The following GUCY1A1 variants were observed in gnomAD, a reference collection of about 807,000 sequenced individuals.
GUCY1A1 encodes guanylate cyclase 1 soluble subunit alpha 1, also known as guanylate cyclase soluble subunit alpha-1.
GUCY1A1 carries 48 observed loss-of-function variants against 64.5 expected under a neutral mutation model. The observed-to-expected ratio is 0.74, with a 90% CI of 0.59 to 0.95. The LOEUF is 0.95. GUCY1A1 is among the 40% of genes least tolerant of loss of function. The probability of loss-of-function intolerance (pLI) is 0.00; values close to 1 mark genes in which losing one functional copy is unlikely to be tolerated. For synonymous variants in GUCY1A1, 308 were observed against 303.4 expected, an observed-to-expected ratio of 1.02 and a Z score of -0.16; for missense variants, 804 against 825.3, an observed-to-expected ratio of 0.97 and a Z score of 0.32.
At chr4:155,698,960 T>G (rs1730753812) in intron 3 of GUCY1A1, among the ~76,000 whole-genome samples, 1 of 152,182 alleles carries the variant, frequency 6.6e-6, no homozygotes, top group Non-Finnish European at 1.5e-5. Context: ...TTTTCTTATT[T>G]TATTTAGTTG....
intron 2 of GUCY1A1, among the ~76,000 whole-genome samples, chr4:155,682,733 T>C (rs1365394801): frequency 6.6e-6 from 1 of 150,974 alleles, no homozygotes; most frequent in African/African-American, 2.4e-5. Context: ...TGTGTGTATA[T>C]ACCCCACTCA....
chr4:155,703,345 G>C (rs1349279056), intron 3 of GUCY1A1, among the ~76,000 whole-genome samples: 1 of 152,112 alleles, frequency 6.6e-6, no homozygotes, highest in African/African-American at 2.4e-5. Flanking sequence ...ACTAACTTTG[G>C]TGACAGATTA....
chr4:155,727,202 G>A (rs3796579), intron 9 of GUCY1A1, among the ~76,000 whole-genome samples: 69,389 of 151,754 alleles, frequency 0.46, 17,664 homozygotes, highest in African/African-American at 0.7. Flanking sequence ...GGCTGTTGCT[G>A]CCTTTTTTGG....
At position 155,722,190 on chromosome 4, in the gene GUCY1A1, C is replaced by T; in HGVS notation, c.1869C>T (p.Tyr623=). The T allele has an allele frequency of 6.2e-7, 1 of 1,611,708 alleles. No individual in the cohort carries two copies. Among genetic ancestry groups the T allele is most frequent in the Non-Finnish European group, 8.5e-7 (1 of 1,178,486 alleles). ...PRKINVSPTT[Y]RLLKDCPGFV... is the part of the protein sequence containing the mutation. ...AAATCAATGTCAGCCCAACAACTTA[C>T]AGGTAGTAATTATGTTAAACACCTA... Residue 623 remains tyrosine, a splice_region_variant and synonymous_variant, in exon 9 of 10, where the codon TAC becomes TAT. Coordinates refer to ENST00000506455, the MANE Select transcript of GUCY1A1 (RefSeq NM_001130682.3).
At position 155,710,969 on chromosome 4, in the gene GUCY1A1, C is replaced by T. The variant is rs1732493779; in HGVS notation, c.804C>T (p.Pro268=). 1 of 1,613,320 alleles carries T rather than the reference C, an allele frequency of 6.2e-7. No homozygotes were observed. Residue 268 remains proline (P), a synonymous_variant, in exon 6 of 10, where the codon CCC becomes CCT. Transcript: ENST00000506455. ...AAAGCACCAAGCCATCCCTGTCCCC[C>T]AGCAAACCCCAGTCCTCGCTGGTGA... is the stretch of plus-strand genomic sequence containing the variant. ...HMKSTKPSLS[P]SKPQSSLVIP... is the part of the protein sequence containing the mutation.
In GUCY1A1 at chr4:155,730,267, G is replaced by A; in HGVS notation, c.*36G>A. 7.3e-7 allele frequency: 1 copy of A among 1,371,210 alleles called. No homozygotes were observed. Among genetic ancestry groups the A allele is most frequent in the Non-Finnish European group, 1.0e-6 (1 of 961,766 alleles). The allele number at this position is 1,371,210 out of a possible 1,614,324, so 84.9% of individuals were successfully genotyped here. On this transcript the variant is annotated 3_prime_UTR_variant, in exon 10 of 10. Transcript: ENST00000506455. ...ACCTATTTATAAGTCTTTGGGGTTTGACTCATTGAAGATGTGTAGAGCCTC... is the reference window on the plus strand; with the variant it reads ...ACCTATTTATAAGTCTTTGGGGTTTAACTCATTGAAGATGTGTAGAGCCTC...
At chr4:155,682,655 G>A (rs1735954661) in intron 2 of GUCY1A1, among the ~76,000 whole-genome samples, 1 of 147,314 alleles carries the variant, frequency 6.8e-6, no homozygotes, top group Non-Finnish European at 1.5e-5. Flanking sequence ...CTGGGCAATA[G>A]AGTGAGACTC....
intron 2 of GUCY1A1, among the ~76,000 whole-genome samples, chr4:155,681,417 C>T (rs1235917476): frequency 2.6e-5 from 4 of 152,104 alleles, no homozygotes; most frequent in Non-Finnish European, 4.4e-5. Flanking sequence ...TTTCCCAATC[C>T]ACAGATCTTA....
Position 155,696,810 on chromosome 4 carries a change from A to C in GUCY1A1, c.-58A>C. On this transcript the variant is annotated 5_prime_UTR_variant, in exon 3 of 10. Coordinates refer to ENST00000506455, the MANE Select transcript of GUCY1A1 (RefSeq NM_001130682.3). ...ATAGTGGCTTCTGTTTGTCAGTCTC[A>C]TATAAGAACTACAGCTCATCAGGAG... is the stretch of plus-strand genomic sequence containing the variant. 1 of 1,536,190 alleles carries C rather than the reference A, an allele frequency of 6.5e-7. No individual in the cohort carries two copies. The highest frequency in any genetic ancestry group is 1.1e-5 in the South Asian group (1 of 87,152).
chr4:155,706,858 C>T (rs1049014163), intron 4 of GUCY1A1, among the ~76,000 whole-genome samples: 1 of 152,134 alleles, frequency 6.6e-6, no homozygotes, highest in Non-Finnish European at 1.5e-5. Flanking sequence ...TCATCACAAA[C>T]AATTAGGCAA....
At chr4:155,667,247 G>A (rs1733429551) in intron 1 of GUCY1A1, 99 bp from the exon 2 acceptor site, 1 of 152,240 alleles carries the variant, frequency 6.6e-6, no homozygotes, top group Non-Finnish European at 1.5e-5. Context: ...CGAGTGCCCA[G>A]GGTGCACTCG....
In GUCY1A1 at chr4:155,734,424, T is replaced by C. The variant is rs545613848; in HGVS notation, c.*4193T>C. On this transcript the variant is annotated 3_prime_UTR_variant, in exon 10 of 10. Coordinates refer to ENST00000506455, the MANE Select transcript of GUCY1A1 (RefSeq NM_001130682.3). Reference sequence around the variant, plus strand: ...GTTTTAGGTGCATGGGTTTGACCCATGTAAATCATTTTAATAAGTAAAATT... The same window carrying C: ...GTTTTAGGTGCATGGGTTTGACCCACGTAAATCATTTTAATAAGTAAAATT... 1 of 152,112 alleles carries C rather than the reference T, an allele frequency of 6.6e-6. No homozygotes were observed. Among genetic ancestry groups the C allele is most frequent in the Admixed American group, 6.6e-5 (1 of 15,244 alleles). The allele number at this position is 152,112 out of a possible 1,614,324, so 9.4% of individuals were successfully genotyped here.
intron 2 of GUCY1A1, among the ~76,000 whole-genome samples, chr4:155,682,596 C>T (rs1028151557): frequency 5.9e-5 from 9 of 151,904 alleles, no homozygotes; most frequent in East Asian, 3.9e-4. Context: ...CGCTTGAAAC[C>T]GGGAGGTGGA....
rs140596225 is a variant in GUCY1A1, at chr4:155,695,414, T to C, written c.-112-1342T>C. Among the ~76,000 whole-genome samples, 101 of 152,292 alleles carry C rather than the reference T, an allele frequency of 6.6e-4. 1 individual carries two copies. Among genetic ancestry groups the C allele is most frequent in the African/African-American group, 2.3e-3 (96 of 41,566 alleles). Reference sequence around the variant, plus strand: ...AATATAAGGCTGAATCTTGGATGTTTCAGATACCACTAGCCAATGAACAGG... The same window carrying C: ...AATATAAGGCTGAATCTTGGATGTTCCAGATACCACTAGCCAATGAACAGG... On this transcript the variant is annotated intron_variant, in intron 2 of 9. Coordinates refer to ENST00000506455, the MANE Select transcript of GUCY1A1 (RefSeq NM_001130682.3).
At chr4:155,696,506 T>C (rs1730428614) in intron 2 of GUCY1A1, among the ~76,000 whole-genome samples, 2 of 152,224 alleles carry the variant, frequency 1.3e-5, no homozygotes, top group Admixed American at 1.3e-4. Flanking sequence ...GCTAAGAACA[T>C]TTTGGAAAAA....
rs981536324 is a variant in GUCY1A1 at position 155,733,912 on chromosome 4, T to A, written c.*3681T>A. Among the ~76,000 whole-genome samples, 15 of 152,008 alleles carry A rather than the reference T, an allele frequency of 9.9e-5. No individual in the cohort carries two copies. Among genetic ancestry groups the A allele is most frequent in the African/African-American group, 3.6e-4 (15 of 41,520 alleles). On this transcript the variant is annotated 3_prime_UTR_variant, in exon 10 of 10. Coordinates refer to ENST00000506455, the MANE Select transcript of GUCY1A1 (RefSeq NM_001130682.3). Reference sequence around the variant, plus strand: ...TCAAGGGAAAATGATTCATTTTATATCCTGGATATTTTACCATAAGTATGA... The same window carrying A: ...TCAAGGGAAAATGATTCATTTTATAACCTGGATATTTTACCATAAGTATGA...
chr4:155,726,809 C>A (rs1393530260), intron 9 of GUCY1A1, among the ~76,000 whole-genome samples: 1 of 151,844 alleles, frequency 6.6e-6, no homozygotes, highest in Non-Finnish European at 1.5e-5. Flanking sequence ...GTAAGGAAAA[C>A]TAATAGAGAC....
rs1002811215 is a variant in GUCY1A1, at chr4:155,670,162, C to T, written c.-113+2743C>T. 7.2e-5 allele frequency among the ~76,000 whole-genome samples: 11 copies of T among 152,272 alleles called. No individual in the cohort carries two copies. In the East Asian group the frequency reaches 2.1e-3, roughly 29 times the overall value. On this transcript the variant is annotated intron_variant, in intron 2 of 9. Coordinates refer to ENST00000506455, the MANE Select transcript of GUCY1A1 (RefSeq NM_001130682.3). ...TTGTGAGAATATTCCATTTTGAAGGCACTATTTTTACACTGGTTAATTAAA... is the reference window on the plus strand; with the variant it reads ...TTGTGAGAATATTCCATTTTGAAGGTACTATTTTTACACTGGTTAATTAAA...
intron 4 of GUCY1A1, among the ~76,000 whole-genome samples, chr4:155,705,539 C>CAAA (rs35914312): frequency 7.3e-5 from 6 of 82,046 alleles, no homozygotes; most frequent in East Asian, 6.3e-4. Context: ...GACTCCATCT[C>CAAA]AAAAAAAAAA....
Sources: gnomAD v4.1 joint callset for allele counts (sites outside exome capture counted in the v4.1 genomes callset) on GRCh38, gnomAD v4.1.1 for gene constraint, MANE v1.5 for transcripts, NCBI Gene and HGNC (gene_info 2026-07-23, HGNC 2026-07-21) for gene names.